Variants in DAB1 observed in about 807,000 individuals in gnomAD.
DAB1 encodes DAB adaptor protein 1, also known as disabled homolog 1.
Under a neutral mutation model 64.6 loss-of-function variants are expected in DAB1, and 15 were observed. The observed-to-expected ratio is 0.23, with a 90% CI of 0.16 to 0.36. DAB1 has a LOEUF of 0.36. Ranked by LOEUF, DAB1 falls within the 10% of genes least tolerant of loss-of-function variation. The pLI, the probability that DAB1 is intolerant of heterozygous loss-of-function variation, is 1.00. For synonymous variants in DAB1, 235 were observed against 251.9 expected (o/e 0.93, Z 0.64); for missense variants, 596 against 706.7 (o/e 0.84, Z 1.78).
rs183057132 is a variant in DAB1 at position 58,485,442 on chromosome 1, T to C, written n.257+20618A>G. 2.6e-3 allele frequency among the ~76,000 whole-genome samples: 399 copies of C among 152,072 alleles called. 1 individual carries two copies. The highest frequency in any genetic ancestry group is 5.0e-3 in the Non-Finnish European group (341 of 67,964). ...TTTAATTGCTAGAAACACTATATGT[T>C]CTTCATACAGGTTTTCTATCACTAC... On this transcript the variant is annotated intron_variant and non_coding_transcript_variant, in intron 3 of 20. Coordinates refer to the DAB1 transcript ENST00000485760.
intron 3 of DAB1, among the ~76,000 whole-genome samples, chr1:58,451,172 C>A (rs958692536): frequency 6.6e-6 from 1 of 152,222 alleles, no homozygotes; most frequent in Admixed American, 6.5e-5. Context: ...TCACTGCAGC[C>A]TCAGCCTCCT....
intron 6 of DAB1, among the ~76,000 whole-genome samples, chr1:57,774,337 A>G (rs1018399574): frequency 5.3e-5 from 8 of 151,806 alleles, no homozygotes; most frequent in Non-Finnish European, 8.9e-5. Flanking sequence ...TCACCTCTTA[A>G]TTCCAGTACA....
chr1:57,100,891 G>GAAT (rs1654622952), intron 4 of DAB1, among the ~76,000 whole-genome samples: 1 of 152,112 alleles, frequency 6.6e-6, no homozygotes, highest in South Asian at 2.1e-4. Context: ...GGTAAATCAT[G>GAAT]AATAATAATA....
At chr1:57,160,592 G>A (rs537480095) in intron 2 of DAB1, among the ~76,000 whole-genome samples, 9 of 152,230 alleles carry the variant, frequency 5.9e-5, no homozygotes, top group South Asian at 2.1e-4. Flanking sequence ...GGTGCTGCAC[G>A]GATGAAGGCA....
chr1:58,408,328 C>T (rs1644636641), intron 3 of DAB1, among the ~76,000 whole-genome samples: 1 of 152,266 alleles, frequency 6.6e-6, no homozygotes, highest in Non-Finnish European at 1.5e-5. Flanking sequence ...TACTTCCTCA[C>T]ACAGGCCTTC....
intron 1 of DAB1, among the ~76,000 whole-genome samples, chr1:58,532,488 C>T (rs74338635): frequency 6.6e-6 from 1 of 152,118 alleles, no homozygotes; most frequent in Non-Finnish European, 1.5e-5. Context: ...ACTGCTTAGA[C>T]GTATTCTTGT....
At chr1:57,195,163 C>T (rs886967118) in intron 2 of DAB1, among the ~76,000 whole-genome samples, 4 of 152,256 alleles carry the variant, frequency 2.6e-5, no homozygotes, top group African/African-American at 9.6e-5. Flanking sequence ...CACTCTTATT[C>T]CTTCATCCAT....
intron 3 of DAB1, among the ~76,000 whole-genome samples, chr1:58,385,996 T>G (rs146338738): frequency 6.6e-6 from 1 of 152,302 alleles, no homozygotes; most frequent in African/African-American, 2.4e-5. Context: ...AAAGGCACTT[T>G]CTTCACACCC....
In DAB1 at chr1:58,431,545, G is replaced by A. The variant is rs955701300; in HGVS notation, n.257+74515C>T. The stretch of plus-strand genomic sequence containing the variant: ...TGCACTCCAGCCTGGGCAATAGAGC[G>A]AGACTCCATCTGGAAAAAAAAAAAA... On this transcript the variant is annotated intron_variant and non_coding_transcript_variant, in intron 3 of 20. Coordinates refer to the DAB1 transcript ENST00000485760. 8.9e-5 allele frequency among the ~76,000 whole-genome samples: 11 copies of A among 123,216 alleles called. No homozygotes were observed. In the East Asian group the frequency reaches 1.8e-3, roughly 20 times the overall value. The allele number at this position is 123,216 out of a possible 152,430, so 80.8% of individuals were successfully genotyped here. A position where few individuals can be genotyped will look rare whatever the true frequency, so the allele number is the denominator to read the frequency against.
intron 6 of DAB1, among the ~76,000 whole-genome samples, chr1:57,751,757 C>G (rs1039834218): frequency 6.6e-6 from 1 of 151,974 alleles, no homozygotes; most frequent in Non-Finnish European, 1.5e-5. Flanking sequence ...GGCTGAGGGC[C>G]GGAAACTCTC....
intron 2 of DAB1, among the ~76,000 whole-genome samples, chr1:57,152,645 G>T (rs1330732240): frequency 6.6e-6 from 1 of 152,236 alleles, no homozygotes; most frequent in Non-Finnish European, 1.5e-5. Flanking sequence ...CTCAATGAAT[G>T]TTCATAGGGA....
chr1:58,354,894 C>G (rs1644095510), intron 3 of DAB1, among the ~76,000 whole-genome samples: 1 of 152,184 alleles, frequency 6.6e-6, no homozygotes, highest in African/African-American at 2.4e-5. Flanking sequence ...TGCCCAAAAT[C>G]ACACAGCTGA....
At chr1:57,537,213 T>C (rs1644740589) in intron 7 of DAB1, among the ~76,000 whole-genome samples, 1 of 152,230 alleles carries the variant, frequency 6.6e-6, no homozygotes, top group African/African-American at 2.4e-5. Context: ...ATATTTTTAC[T>C]GGACAGAGCT....
intron 6 of DAB1, among the ~76,000 whole-genome samples, chr1:57,743,556 C>T (rs1007360497): frequency 5.9e-5 from 9 of 152,192 alleles, no homozygotes; most frequent in Non-Finnish European, 1.0e-4. Context: ...CACGGATGCG[C>T]GTGAAAGGTA....
chr1:57,669,266 C>A (rs552074085), intron 6 of DAB1, among the ~76,000 whole-genome samples: 5 of 152,076 alleles, frequency 3.3e-5, no homozygotes, highest in Non-Finnish European at 7.4e-5. Flanking sequence ...CAATTTTAGT[C>A]AAATGCTTTG....
At chr1:57,542,419 G>A (rs1054597873) in intron 7 of DAB1, among the ~76,000 whole-genome samples, 1 of 150,732 alleles carries the variant, frequency 6.6e-6, no homozygotes, top group Non-Finnish European at 1.5e-5. Context: ...GGTTGGAGGG[G>A]TAGGAATTAA....
intron 6 of DAB1, among the ~76,000 whole-genome samples, chr1:57,775,140 A>T (rs1649734318): frequency 6.6e-6 from 1 of 151,348 alleles, no homozygotes; most frequent in African/African-American, 2.4e-5. Flanking sequence ...ATTGGAATTT[A>T]TGTCTTTTCC....
rs552958146 is a variant in DAB1, at chr1:58,396,606, T to C, written n.258-53203A>G. 6.2e-4 allele frequency among the ~76,000 whole-genome samples: 94 copies of C among 150,768 alleles called. 2 individuals carry two copies. The highest frequency in any genetic ancestry group is 2.2e-3 in the African/African-American group (91 of 40,960). Reference sequence around the variant, plus strand: ...AGGGAGACACAGACAGAAACCAGCATGCAGAGACAAAGAGAGAAGCAGAGA... The same window carrying C: ...AGGGAGACACAGACAGAAACCAGCACGCAGAGACAAAGAGAGAAGCAGAGA... On this transcript the variant is annotated intron_variant and non_coding_transcript_variant, in intron 3 of 20. Transcript: ENST00000485760.
chr1:58,126,249 G>A (rs1351298263), intron 5 of DAB1, among the ~76,000 whole-genome samples: 1 of 152,080 alleles, frequency 6.6e-6, no homozygotes, highest in Admixed American at 6.5e-5. Context: ...TGGGGTAACA[G>A]GAAACGAAGA....
Sources: allele counts gnomAD v4.1 joint callset (sites outside exome capture counted in the v4.1 genomes callset), GRCh38; gene constraint gnomAD v4.1.1; transcripts MANE v1.5; gene names NCBI Gene and HGNC (gene_info 2026-07-23, HGNC 2026-07-21).